Variants in LARP6 observed in about 807,000 individuals in gnomAD.
The protein encoded by LARP6 is la-related protein 6.
LARP6 carries 18 observed loss-of-function variants against 32.8 expected under a neutral mutation model. That is an observed-to-expected ratio of 0.55 (90% CI 0.38 to 0.81). LARP6 has a LOEUF of 0.81. LARP6 is among the 40% of genes least tolerant of loss of function. The probability of loss-of-function intolerance (pLI) is 0.00; values close to 1 mark genes in which losing one functional copy is unlikely to be tolerated. For missense variants in LARP6, 598 were observed against 663.1 expected, an observed-to-expected ratio of 0.90 and a Z score of 1.08; for synonymous variants, 289 against 267.2, an observed-to-expected ratio of 1.08 and a Z score of -0.80.
chr15:70,841,499 T>C (rs1472424022), intron 1 of LARP6, among the ~76,000 whole-genome samples: 1 of 152,208 alleles, frequency 6.6e-6, no homozygotes, highest in Admixed American at 6.5e-5. Context: ...TTTGAATGTA[T>C]GTCTTAGGCA....
rs142133877 is a variant in LARP6, at chr15:70,834,425, G to A, written c.412-1309C>T. Among the ~76,000 whole-genome samples the A allele has an allele frequency of 6.8e-3, 1,040 of 152,334 alleles. 7 individuals are homozygous for A. Among genetic ancestry groups the A allele is most frequent in the Non-Finnish European group, 0.012 (784 of 68,024 alleles). On this transcript the variant is annotated intron_variant, in intron 2 of 2. Coordinates refer to ENST00000299213, the MANE Select transcript of LARP6 (RefSeq NM_018357.4). The stretch of plus-strand genomic sequence containing the variant: ...GGGTGAAGCTGATGACTGCGGGTGC[G>A]TGTGAGGCTGTGGGAAAGCCAGGCA...
rs1343072800 is a variant in LARP6 at position 70,831,077 on chromosome 15, C to T, written c.*975G>A. On this transcript the variant is annotated 3_prime_UTR_variant, in exon 3 of 3. Transcript: ENST00000299213. ...CAGCGTGCATCAGAATCACCTGCAG[C>T]GTTTGTTAAAACCCAAATTCCAGGC... is the stretch of plus-strand genomic sequence containing the variant. 6.6e-6 allele frequency: 1 copy of T among 152,198 alleles called. No homozygotes were observed. 9.4% of individuals were successfully genotyped at this position (152,198 alleles called of 1,614,324 possible).
chr15:70,853,471 T>A (rs1260999355), intron 1 of LARP6: 1 of 155,710 alleles, frequency 6.4e-6, no homozygotes, highest in East Asian at 1.9e-4. Flanking sequence ...CAGTGAAGGG[T>A]AAGCGGGACC....
intron 1 of LARP6, among the ~76,000 whole-genome samples, chr15:70,844,773 A>T (rs1309093194): frequency 6.6e-6 from 1 of 152,126 alleles, no homozygotes; most frequent in Non-Finnish European, 1.5e-5. Context: ...GTTTCTAAGA[A>T]CTGTTTTTGA....
In LARP6 at chr15:70,836,275, T is replaced by A; in HGVS notation, c.411+20A>T. The A allele has an allele frequency of 1.2e-6, 2 of 1,607,480 alleles. No homozygotes were observed. The highest frequency in any genetic ancestry group is 1.7e-6 in the Non-Finnish European group (2 of 1,174,134). ...ACAAACTTGAAATCCTTGAAGCAGC[T>A]TCTGAGAACCAAGCCTCACCTTTTT... On this transcript the variant is annotated intron_variant, in intron 2 of 2. Coordinates refer to ENST00000299213, the MANE Select transcript of LARP6 (RefSeq NM_018357.4).
At position 70,833,587 on chromosome 15, in the gene LARP6, T is replaced by A. The variant is rs1325660267; in HGVS notation, c.412-471A>T. Among the ~76,000 whole-genome samples, 7 of 152,338 alleles carry A rather than the reference T, an allele frequency of 4.6e-5. No homozygotes were observed. In the East Asian group the frequency reaches 1.4e-3, roughly 29 times the overall value. ...ACGAATCAATATATACATGTACATA[T>A]GTATGTACAGACACATACAAACTCA... is the stretch of plus-strand genomic sequence containing the variant. On this transcript the variant is annotated intron_variant, in intron 2 of 2. Coordinates refer to ENST00000299213, the MANE Select transcript of LARP6 (RefSeq NM_018357.4).
rs1490306522 is a variant in LARP6, at chr15:70,830,566, T to C, written c.*1486A>G. 6.6e-6 allele frequency: 1 copy of C among 152,256 alleles called. No homozygotes were observed. The highest frequency in any genetic ancestry group is 6.5e-5 in the Admixed American group (1 of 15,284). 9.4% of individuals were successfully genotyped at this position (152,256 alleles called of 1,614,324 possible). On this transcript the variant is annotated 3_prime_UTR_variant, in exon 3 of 3. Coordinates refer to ENST00000299213, the MANE Select transcript of LARP6 (RefSeq NM_018357.4). ...AGTTTCAAGCCCAACTCTACCAATTTAGCTGTTAAGCCTTAGACAAGTTAA... is the reference window on the plus strand; with the variant it reads ...AGTTTCAAGCCCAACTCTACCAATTCAGCTGTTAAGCCTTAGACAAGTTAA...
intron 1 of LARP6, 126 bp downstream of exon 1, chr15:70,853,763 C>T (rs2141063187): frequency 3.0e-6 from 2 of 677,278 alleles, no homozygotes; most frequent in South Asian, 7.5e-5. Context: ...GGAGCTGCTT[C>T]CCCGGCGGCG....
chr15:70,836,566 T>G, intron 1 of LARP6, 61 bp from the exon 2 acceptor site: 1 of 1,414,168 alleles, frequency 7.1e-7, no homozygotes. Flanking sequence ...CCCCAAAAAT[T>G]CATATGCTGA....
At position 70,836,441 on chromosome 15, in the gene LARP6, C is replaced by A; in HGVS notation, c.265G>T (p.Asp89Tyr). 6.2e-7 allele frequency: 1 copy of A among 1,614,168 alleles called. No individual in the cohort carries two copies. The highest frequency in any genetic ancestry group is 8.5e-7 in the Non-Finnish European group (1 of 1,180,032). Residue 89 changes from aspartate (D) to tyrosine (Y), a missense_variant, in exon 2 of 3, where the codon GAT becomes TAT. By Grantham distance (160) the Asp-to-Tyr change is radical. Transcript: ENST00000299213. ...ACCAGTTTCTTGATCAACTCCTCAT[C>A]CGGGGGCTTCCACTCCTGCTCCAGG... ...EDLEQEWKPP[D>Y]EELIKKLVDQ...
Position 70,854,099 on chromosome 15 carries a change from A to C in LARP6, c.-11T>G, listed in dbSNP as rs900686079. 1 of 1,261,342 alleles carries C rather than the reference A, an allele frequency of 7.9e-7. No individual in the cohort carries two copies. The highest frequency in any genetic ancestry group is 1.6e-5 in the African/African-American group (1 of 64,342). 78.1% of individuals were successfully genotyped at this position (1,261,342 alleles called of 1,614,324 possible). On this transcript the variant is annotated 5_prime_UTR_variant, in exon 1 of 3. Coordinates refer to ENST00000299213, the MANE Select transcript of LARP6 (RefSeq NM_018357.4). ...GCCGGACTGGGCCATGGCTCGCGGG[A>C]CTGCGGCGCCGCCGGGGTCCTCACG...
chr15:70,842,411 C>A, intron 1 of LARP6, among the ~76,000 whole-genome samples: 1 of 152,104 alleles, frequency 6.6e-6, no homozygotes, highest in East Asian at 1.9e-4. Flanking sequence ...TATCCCCTAG[C>A]AACCTCTACA....
intron 1 of LARP6, 24 bp from the exon 2 acceptor site, chr15:70,836,529 G>T: frequency 1.3e-6 from 2 of 1,598,200 alleles, no homozygotes; most frequent in Non-Finnish European, 1.7e-6. Context: ...GAGACACCGG[G>T]TGTTAGGGTC....
At chr15:70,851,058 C>G (rs1231031816) in intron 1 of LARP6, among the ~76,000 whole-genome samples, 1 of 152,138 alleles carries the variant, frequency 6.6e-6, no homozygotes, top group African/African-American at 2.4e-5. Flanking sequence ...TTTGGGGAAT[C>G]TTGAATGTGG....
chr15:70,831,790 T>G lies in LARP6; in HGVS notation c.*262A>C, dbSNP rs561792143. The G allele has an allele frequency of 9.9e-5, 31 of 312,012 alleles. No individual in the cohort carries two copies. In the South Asian group the frequency reaches 4.4e-3, roughly 44 times the overall value. 19.3% of individuals were successfully genotyped at this position (312,012 alleles called of 1,614,324 possible). A position where few individuals can be genotyped will look rare whatever the true frequency, so the allele number is the denominator to read the frequency against. On this transcript the variant is annotated 3_prime_UTR_variant, in exon 3 of 3. Transcript: ENST00000299213. ...CCAGGGAACCTCCGTCCTACAGCCC[T>G]TCAGGGCCATCACACTCACACACAT...
intron 1 of LARP6, chr15:70,851,757 G>A: frequency 6.2e-7 from 1 of 1,613,794 alleles, no homozygotes; most frequent in African/African-American, 1.3e-5. Context: ...CACAATTGTG[G>A]AAGGTGCTAG....
chr15:70,839,448 A>G (rs965156839), intron 1 of LARP6, among the ~76,000 whole-genome samples: 2 of 152,092 alleles, frequency 1.3e-5, no homozygotes, highest in Non-Finnish European at 2.9e-5. Context: ...AAAAAAAAAA[A>G]AAAAATGTAT....
chr15:70,851,715 CTA>C, intron 1 of LARP6: 2 of 1,614,100 alleles, frequency 1.2e-6, no homozygotes, highest in Non-Finnish European at 1.7e-6. Flanking sequence ...CACCGAGCTC[CTA>C]TTCCTGTGAG....
intron 1 of LARP6, chr15:70,851,579 ATC>A: frequency 8.9e-6 from 14 of 1,579,934 alleles, no homozygotes; most frequent in Non-Finnish European, 1.2e-5. Flanking sequence ...AAACACAAAT[ATC>A]TCAACACCAT....
Sources: allele counts gnomAD v4.1 joint callset (sites outside exome capture counted in the v4.1 genomes callset), GRCh38; gene constraint gnomAD v4.1.1; transcripts MANE v1.5; gene names NCBI Gene and HGNC (gene_info 2026-07-23, HGNC 2026-07-21).